CHN2: variants seen among roughly 807,000 people sequenced by gnomAD.
The protein encoded by CHN2 is beta-chimaerin.
Under a neutral mutation model 56.3 loss-of-function variants are expected in CHN2, and 35 were observed. The observed-to-expected ratio is 0.62, with a 90% CI of 0.47 to 0.82. The LOEUF is 0.82. CHN2 is among the 40% of genes least tolerant of loss of function. The probability of loss-of-function intolerance (pLI) is 0.00; values close to 1 mark genes in which losing one functional copy is unlikely to be tolerated. For missense variants in CHN2, 491 were observed against 580.5 expected, an observed-to-expected ratio of 0.85 and a Z score of 1.58; for synonymous variants, 210 against 212.8, an observed-to-expected ratio of 0.99 and a Z score of 0.12.
intron 3 of CHN2, among the ~76,000 whole-genome samples, chr7:29,372,303 G>C (rs1036279504): frequency 1.2e-4 from 19 of 152,156 alleles, no homozygotes; most frequent in Middle Eastern, 3.4e-3. Context: ...CAGGTTCTCT[G>C]CACGTCTAGG....
intron 3 of CHN2, among the ~76,000 whole-genome samples, chr7:29,375,280 C>T (rs4358687): frequency 0.41 from 58,727 of 143,590 alleles, 12,237 homozygotes; most frequent in Middle Eastern, 0.53. Flanking sequence ...CTCACTGCAA[C>T]CTCCACCTCC....
At chr7:29,146,813 T>G in intron 1 of CHN2, 5 of 1,550,372 alleles carry the variant, frequency 3.2e-6, no homozygotes, top group Non-Finnish European at 4.4e-6. Flanking sequence ...TCTTAAAATT[T>G]CAACCCTGTA....
At chr7:29,461,666 C>T (rs1562626093) in intron 6 of CHN2, among the ~76,000 whole-genome samples, 1 of 152,212 alleles carries the variant, frequency 6.6e-6, no homozygotes, top group Admixed American at 6.5e-5. Flanking sequence ...AACACTTCTT[C>T]TAGTCTATGA....
Position 29,512,553 on chromosome 7 carries a change from T to C in CHN2, c.1236-11T>C, listed in dbSNP as rs769929757. ...TCCATAATGTCTCTGTTCTATATGT[T>C]TGTTTTGCAGGGTTACTATGAATGA... On this transcript the variant is annotated splice_polypyrimidine_tract_variant and intron_variant, in intron 12 of 12. Transcript: ENST00000222792. The C allele has an allele frequency of 1.2e-6, 2 of 1,607,846 alleles. No individual in the cohort carries two copies. Among genetic ancestry groups the C allele is most frequent in the Non-Finnish European group, 1.7e-6 (2 of 1,177,132 alleles).
chr7:29,431,602 C>T (rs2128114927), intron 6 of CHN2, among the ~76,000 whole-genome samples: 1 of 152,328 alleles, frequency 6.6e-6, no homozygotes, highest in Admixed American at 6.5e-5. Context: ...GTTCTTGCAA[C>T]AGAAGAAATA....
At chr7:29,511,459 C>T (rs1791382078) in intron 12 of CHN2, among the ~76,000 whole-genome samples, 1 of 152,172 alleles carries the variant, frequency 6.6e-6, no homozygotes, top group Admixed American at 6.5e-5. Context: ...ACCTTAAATG[C>T]CAATAATACT....
At chr7:29,448,807 T>TA (rs1439699775) in intron 6 of CHN2, among the ~76,000 whole-genome samples, 3 of 111,286 alleles carry the variant, frequency 2.7e-5, no homozygotes, top group Non-Finnish European at 5.1e-5. Context: ...GAGCACACTA[T>TA]ATCTCCCCCA....
rs973084795 is a variant in CHN2 at position 29,310,318 on chromosome 7, T to C, written c.50-44307T>C. Among the ~76,000 whole-genome samples the C allele has an allele frequency of 3.3e-5, 5 of 152,214 alleles. No homozygotes were observed. The East Asian group carries it at 9.6e-4, about 29-fold the overall frequency. On this transcript the variant is annotated intron_variant, in intron 1 of 12. Transcript: ENST00000222792. Reference sequence around the variant, plus strand: ...TTAAAATTGAACATGTAGAAGAATATTGAATGAATATAATCACATTCATGT... The same window carrying C: ...TTAAAATTGAACATGTAGAAGAATACTGAATGAATATAATCACATTCATGT...
At chr7:29,374,055 T>C (rs1021735682) in intron 3 of CHN2, among the ~76,000 whole-genome samples, 26 of 152,240 alleles carry the variant, frequency 1.7e-4, no homozygotes, top group African/African-American at 6.3e-4. Context: ...ACCTTTTAAT[T>C]GGCTTTATGT....
intron 5 of CHN2, chr7:29,400,314 A>G: frequency 1.8e-6 from 1 of 568,978 alleles, no homozygotes; most frequent in Non-Finnish European, 3.2e-6. Flanking sequence ...AAACTCAAGC[A>G]GGAACCGCCA....
chr7:29,295,314 A>AACACACACACACACACAC lies in CHN2; in HGVS notation c.50-59295_50-59278dup, dbSNP rs58693628. ...GACTATATCCCTCAGTTTAGCTGTGAACACACACACACACACACACACACA... is the reference window on the plus strand; with the variant it reads ...GACTATATCCCTCAGTTTAGCTGTGAACACACACACACACACACACACACACACACACACACACACACA... On this transcript the variant is annotated intron_variant, in intron 1 of 12. Coordinates refer to ENST00000222792, the MANE Select transcript of CHN2 (RefSeq NM_004067.4). Among the ~76,000 whole-genome samples, 611 of 145,060 alleles carry AACACACACACACACACAC rather than the reference A, an allele frequency of 4.2e-3. 8 individuals carry two copies. The highest frequency in any genetic ancestry group is 0.014 in the South Asian group (63 of 4,388).
At chr7:29,244,906 G>C (rs576742880) in intron 1 of CHN2, among the ~76,000 whole-genome samples, 3 of 152,162 alleles carry the variant, frequency 2.0e-5, no homozygotes, top group Non-Finnish European at 4.4e-5. Context: ...CATGAGATAA[G>C]TACTGAATCT....
At chr7:29,512,036 G>A (rs189653832) in intron 12 of CHN2, among the ~76,000 whole-genome samples, 59 of 152,170 alleles carry the variant, frequency 3.9e-4, no homozygotes, top group African/African-American at 1.4e-3. Context: ...CCCACCCCAC[G>A]ATAACGGCCT....
At chr7:29,440,336 A>C (rs553599377) in intron 6 of CHN2, among the ~76,000 whole-genome samples, 1 of 152,312 alleles carries the variant, frequency 6.6e-6, no homozygotes, top group East Asian at 1.9e-4. Context: ...AATCAGTGAA[A>C]ATAATATATA....
At chr7:29,435,889 GCCT>G (rs1783181765) in intron 6 of CHN2, among the ~76,000 whole-genome samples, 1 of 127,856 alleles carries the variant, frequency 7.8e-6, no homozygotes, top group Non-Finnish European at 1.6e-5. Context: ...TATCAGAAGC[GCCT>G]CCTTTTTTTT....
At chr7:29,179,951 T>C (rs552189124) in intron 2 of CHN2, among the ~76,000 whole-genome samples, 2 of 152,360 alleles carry the variant, frequency 1.3e-5, no homozygotes, top group Admixed American at 1.3e-4. Context: ...CTAAGCATTC[T>C]ATTGATCTTT....
intron 1 of CHN2, among the ~76,000 whole-genome samples, chr7:29,196,697 G>A (rs955973752): frequency 6.6e-6 from 1 of 152,204 alleles, no homozygotes; most frequent in Non-Finnish European, 1.5e-5. Context: ...AGCTGCTGTG[G>A]CATCTGAATT....
chr7:29,289,259 G>A (rs866088707), intron 1 of CHN2: 2 of 152,216 alleles, frequency 1.3e-5, no homozygotes, highest in Non-Finnish European at 2.9e-5. Context: ...GACAGCTTGT[G>A]TGAGGCTCGG....
At chr7:29,170,199 G>A (rs1043465223) in intron 2 of CHN2, among the ~76,000 whole-genome samples, 3 of 152,188 alleles carry the variant, frequency 2.0e-5, no homozygotes, top group African/African-American at 7.2e-5. Context: ...TGCTTCCTTG[G>A]CTACTTTATG....
Sources: gnomAD v4.1 joint callset for allele counts (sites outside exome capture counted in the v4.1 genomes callset) on GRCh38, gnomAD v4.1.1 for gene constraint, MANE v1.5 for transcripts, NCBI Gene and HGNC (gene_info 2026-07-23, HGNC 2026-07-21) for gene names.